CFAP299: variants seen among roughly 807,000 people sequenced by gnomAD.
CFAP299 encodes cilia- and flagella-associated protein 299.
In CFAP299, 21 loss-of-function variants were observed where a neutral mutation model predicts 27.0. The observed-to-expected ratio is 0.78, with a 90% CI of 0.55 to 1.12. The LOEUF is 1.12. Ranked by LOEUF, CFAP299 falls within the 50% of genes most tolerant of loss-of-function variation. The pLI, the probability that CFAP299 is intolerant of heterozygous loss-of-function variation, is 0.00. For missense variants in CFAP299, 310 were observed against 276.6 expected (o/e 1.12, Z -0.86); for synonymous variants, 104 against 98.1 (o/e 1.06, Z -0.36).
At chr4:80,577,397 ATTTTTTTT>A (rs34922224) in intron 2 of CFAP299, among the ~76,000 whole-genome samples, 33 of 98,856 alleles carry the variant, frequency 3.3e-4, no homozygotes, top group African/African-American at 1.3e-3. Flanking sequence ...ATTAGAAAAC[ATTTTTTTT>A]TTTTTTTTTT....
chr4:80,346,788 AGTT>A (rs1312333866), intron 1 of CFAP299, among the ~76,000 whole-genome samples: 4 of 152,128 alleles, frequency 2.6e-5, no homozygotes, highest in Non-Finnish European at 4.4e-5. Flanking sequence ...ACTTTAAAGT[AGTT>A]TTTTCCAATT....
intron 2 of CFAP299, among the ~76,000 whole-genome samples, chr4:80,457,761 G>A (rs905729581): frequency 6.6e-6 from 1 of 152,108 alleles, no homozygotes; most frequent in Non-Finnish European, 1.5e-5. Flanking sequence ...TGCTGTAACT[G>A]AAACTAGCTG....
chr4:80,582,088 T>C (rs1028269385), intron 2 of CFAP299, among the ~76,000 whole-genome samples: 4 of 151,934 alleles, frequency 2.6e-5, no homozygotes, highest in Admixed American at 6.6e-5. Flanking sequence ...ATTTTACATT[T>C]GAATTTCTTT....
At chr4:80,921,314 G>A (rs1167798896) in intron 4 of CFAP299, among the ~76,000 whole-genome samples, 1 of 152,096 alleles carries the variant, frequency 6.6e-6, no homozygotes, top group Non-Finnish European at 1.5e-5. Context: ...AATGCAATGA[G>A]ATAGATATGT....
At chr4:80,888,909 A>G (rs1247044372) in intron 4 of CFAP299, among the ~76,000 whole-genome samples, 1 of 148,442 alleles carries the variant, frequency 6.7e-6, no homozygotes, top group Non-Finnish European at 1.5e-5. Flanking sequence ...GAAGTTGAAA[A>G]TTTTCTTGAA....
chr4:80,468,815 C>T (rs905140233), intron 2 of CFAP299, among the ~76,000 whole-genome samples: 1 of 123,588 alleles, frequency 8.1e-6, no homozygotes, highest in Non-Finnish European at 1.6e-5. Flanking sequence ...GCCTGGGTGA[C>T]AGAGCGAGAC....
chr4:80,864,529 CATATACGTAT>C (rs1021448855), intron 3 of CFAP299, among the ~76,000 whole-genome samples: 2 of 145,602 alleles, frequency 1.4e-5, no homozygotes, highest in African/African-American at 5.0e-5. Flanking sequence ...CGTATATATA[CATATACGTAT>C]ATATAGGTAT....
intron 3 of CFAP299, among the ~76,000 whole-genome samples, chr4:80,837,155 T>C (rs116654610): frequency 0.018 from 2,766 of 152,274 alleles, 46 homozygotes; most frequent in Non-Finnish European, 0.028. Context: ...AAGATTGGTT[T>C]TTATCAGTGC....
intron 4 of CFAP299, among the ~76,000 whole-genome samples, chr4:80,875,489 G>A (rs373917842): frequency 1.3e-4 from 20 of 151,852 alleles, no homozygotes; most frequent in Middle Eastern, 6.8e-3. Context: ...GTGAAACCCC[G>A]TCTCTACTAA....
At chr4:80,458,601 T>G (rs537789261) in intron 2 of CFAP299, among the ~76,000 whole-genome samples, 2 of 152,256 alleles carry the variant, frequency 1.3e-5, no homozygotes, top group East Asian at 3.9e-4. Context: ...TATAGCCAAT[T>G]TATTTATTTT....
intron 5 of CFAP299, among the ~76,000 whole-genome samples, chr4:80,950,532 G>T (rs1016638062): frequency 2.6e-5 from 4 of 152,218 alleles, no homozygotes; most frequent in African/African-American, 9.6e-5. Context: ...TGGAAGGGTG[G>T]GTATGGTGAG....
intron 2 of CFAP299, among the ~76,000 whole-genome samples, chr4:80,419,577 C>T (rs1002859665): frequency 2.6e-5 from 4 of 152,142 alleles, no homozygotes; most frequent in African/African-American, 9.7e-5. Context: ...CCTACCTTTC[C>T]CTAGTGCCGG....
At chr4:80,845,959 G>A (rs1246150699) in intron 3 of CFAP299, among the ~76,000 whole-genome samples, 3 of 152,078 alleles carry the variant, frequency 2.0e-5, no homozygotes, top group Non-Finnish European at 2.9e-5. Context: ...AAAAGTGGTA[G>A]AAGAAATACA....
At chr4:80,424,320 A>G (rs1366835171) in intron 2 of CFAP299, among the ~76,000 whole-genome samples, 2 of 152,212 alleles carry the variant, frequency 1.3e-5, no homozygotes, top group Non-Finnish European at 2.9e-5. Context: ...ATTGTGACCT[A>G]AAGAGTTCAA....
chr4:80,654,883 T>C (rs778368516), intron 3 of CFAP299, among the ~76,000 whole-genome samples: 1 of 151,650 alleles, frequency 6.6e-6, no homozygotes, highest in Non-Finnish European at 1.5e-5. Context: ...CCCAAAGTGC[T>C]GGAATTATAG....
chr4:80,447,119 G>GTTTTTTTTTTTTT (rs71641487), intron 2 of CFAP299, among the ~76,000 whole-genome samples: 3 of 65,502 alleles, frequency 4.6e-5, no homozygotes, highest in East Asian at 5.3e-4. Context: ...CTTTTTATTT[G>GTTTTTTTTTTTTT]TTTTTTTTTT....
At chr4:80,509,571 G>A (rs1732195964) in intron 2 of CFAP299, among the ~76,000 whole-genome samples, 1 of 151,994 alleles carries the variant, frequency 6.6e-6, no homozygotes, top group Admixed American at 6.6e-5. Flanking sequence ...ACTCTATATT[G>A]TACTCTTATA....
At chr4:80,473,466 G>A (rs1483687063) in intron 2 of CFAP299, among the ~76,000 whole-genome samples, 1 of 151,414 alleles carries the variant, frequency 6.6e-6, no homozygotes, top group Non-Finnish European at 1.5e-5. Context: ...AATCTAATGT[G>A]TAAATTTTTT....
At chr4:80,682,564 A>G (rs1719909781) in intron 3 of CFAP299, among the ~76,000 whole-genome samples, 1 of 100,302 alleles carries the variant, frequency 1.0e-5, no homozygotes, top group African/African-American at 3.9e-5. Flanking sequence ...TACATTTTAC[A>G]TGCATACCAC....
Sources: gnomAD v4.1 joint callset for allele counts (sites outside exome capture counted in the v4.1 genomes callset) on GRCh38, gnomAD v4.1.1 for gene constraint, MANE v1.5 for transcripts, NCBI Gene and HGNC (gene_info 2026-07-23, HGNC 2026-07-21) for gene names.